LCA5: variants seen among roughly 807,000 people sequenced by gnomAD.
LCA5 encodes lebercilin.
Under a neutral mutation model 53.0 loss-of-function variants are expected in LCA5, and 37 were observed. The ratio of observed to expected loss-of-function variants is 0.70; its 90% CI spans 0.54 to 0.92. The LOEUF is 0.92. LCA5 is among the 40% of genes least tolerant of loss of function. LCA5 has a pLI of 0.00. For synonymous variants in LCA5, 303 were observed against 282.9 expected (o/e 1.07, Z -0.71); for missense variants, 806 against 790.5 (o/e 1.02, Z -0.23).
intron 3 of LCA5, among the ~76,000 whole-genome samples, chr6:79,507,611 T>A (rs1770304007): frequency 6.6e-6 from 1 of 152,162 alleles, no homozygotes; most frequent in African/African-American, 2.4e-5. Flanking sequence ...TTGAGAATGA[T>A]CCTGTACGGC....
chr6:79,498,513 G>A (rs9443677), intron 3 of LCA5, among the ~76,000 whole-genome samples: 2,815 of 152,106 alleles, frequency 0.019, 84 homozygotes, highest in African/African-American at 0.065. Context: ...AATCCAGCAA[G>A]ACCCAGTAAA....
At position 79,513,402 on chromosome 6, in the gene LCA5, T is replaced by C. The variant is rs749191441; in HGVS notation, c.530A>G (p.Lys177Arg). Residue 177 changes from lysine (K) to arginine (R), a missense_variant, in exon 3 of 8, where the codon AAA (lysine) becomes AGA (arginine). Coordinates refer to ENST00000369846, the MANE Select transcript of LCA5 (RefSeq NM_001122769.3). ...EITALKERLR[K>R]SQEKERATEK... ...AGTTGCCCGTTCTTTCTCTTGAGATTTTCTTAAGCGTTCTTTGAGTGCTGT... is the reference window on the plus strand; with the variant it reads ...AGTTGCCCGTTCTTTCTCTTGAGATCTTCTTAAGCGTTCTTTGAGTGCTGT... 1.2e-6 allele frequency: 2 copies of C among 1,614,012 alleles called. No homozygotes were observed. Among genetic ancestry groups the C allele is most frequent in the Admixed American group, 1.7e-5 (1 of 59,994 alleles).
chr6:79,520,622 G>T (rs1445146573), intron 1 of LCA5, among the ~76,000 whole-genome samples: 1 of 152,092 alleles, frequency 6.6e-6, no homozygotes, highest in Non-Finnish European at 1.5e-5. Flanking sequence ...CATATGAAAG[G>T]ACATGCACAA....
rs1436232619 is a variant in LCA5 at position 79,507,310 on chromosome 6, G to A, written c.720+5902C>T. ...TAAAAGATCTTATAACATATAATGAGCTGCTTATTACTAAGTGAATTAAGA... is the reference window on the plus strand; with the variant it reads ...TAAAAGATCTTATAACATATAATGAACTGCTTATTACTAAGTGAATTAAGA... On this transcript the variant is annotated intron_variant, in intron 3 of 7. Coordinates refer to ENST00000369846, the MANE Select transcript of LCA5 (RefSeq NM_001122769.3). Among the ~76,000 whole-genome samples the A allele has an allele frequency of 2.6e-5, 4 of 152,186 alleles. No homozygotes were observed. In the East Asian group the frequency reaches 7.7e-4, roughly 29 times the overall value.
chr6:79,487,421 C>T lies in LCA5; in HGVS notation c.1677G>A (p.Ser559=), dbSNP rs144098531. 1.4e-5 allele frequency: 23 copies of T among 1,612,674 alleles called. No individual in the cohort carries two copies. The highest frequency in any genetic ancestry group is 1.2e-4 in the South Asian group (11 of 90,894). ...NEFAFGSYVP[S]FAKTSERSNP... ...TTGACCTCTCTGATGTTTTTGCAAA[C>T]GAAGGCACGTAGCTACCAAATGCGA... Residue 559 remains serine (S), a synonymous_variant, in exon 8 of 8, where the codon TCG becomes TCA. Coordinates refer to ENST00000369846, the MANE Select transcript of LCA5 (RefSeq NM_001122769.3).
intron 3 of LCA5, among the ~76,000 whole-genome samples, chr6:79,495,578 C>T (rs971655874): frequency 2.0e-5 from 3 of 151,744 alleles, no homozygotes; most frequent in African/African-American, 4.8e-5. Flanking sequence ...AGTGAAATCC[C>T]GTCTCTACTA....
At chr6:79,515,904 C>T (rs1233665960) in intron 2 of LCA5, among the ~76,000 whole-genome samples, 1 of 151,974 alleles carries the variant, frequency 6.6e-6, no homozygotes, top group Non-Finnish European at 1.5e-5. Context: ...ATTATTGCAA[C>T]TTTGAAACTA....
intron 1 of LCA5, among the ~76,000 whole-genome samples, chr6:79,521,817 C>T (rs1003270216): frequency 2.0e-5 from 3 of 152,014 alleles, no homozygotes; most frequent in Non-Finnish European, 2.9e-5. Context: ...GGAGGAAACA[C>T]ACAAAATAAA....
intron 3 of LCA5, among the ~76,000 whole-genome samples, chr6:79,508,243 G>C (rs556626933): frequency 1.4e-4 from 21 of 152,234 alleles, no homozygotes; most frequent in African/African-American, 4.8e-4. Context: ...TTCTGAAGGA[G>C]GACAGACAAC....
rs192208237 is a variant in LCA5, at chr6:79,513,200, T to C, written c.720+12A>G. On this transcript the variant is annotated intron_variant, in intron 3 of 7. Transcript: ENST00000369846. The stretch of plus-strand genomic sequence containing the variant: ...CCCAAGAAAGTACAATTAGAAGCTG[T>C]AGAAATTGTACCTTAATTCTTCTCT... The C allele has an allele frequency of 1.1e-5, 17 of 1,610,382 alleles. No homozygotes were observed. Among genetic ancestry groups the C allele is most frequent in the Non-Finnish European group, 1.4e-5 (17 of 1,176,958 alleles).
At position 79,485,222 on chromosome 6, in the gene LCA5, A is replaced by AG. The variant is rs949149401; in HGVS notation, c.*1781dup. ...CATCTTGTTAAAGAGATTATCAGGT[A>AG]GAAAAAAAGCAAAAAACTAATTTAA... On this transcript the variant is annotated 3_prime_UTR_variant, in exon 8 of 8. Transcript: ENST00000369846. The AG allele has an allele frequency of 6.6e-6, 1 of 152,554 alleles. No homozygotes were observed. Among genetic ancestry groups the AG allele is most frequent in the African/African-American group, 2.4e-5 (1 of 41,448 alleles). The allele number at this position is 152,554 out of a possible 1,614,324, so 9.5% of individuals were successfully genotyped here.
intron 1 of LCA5, among the ~76,000 whole-genome samples, chr6:79,527,421 C>T (rs768502381): frequency 1.8e-4 from 27 of 152,196 alleles, no homozygotes; most frequent in Admixed American, 2.6e-4. Flanking sequence ...TGGTAATCAA[C>T]GTAACCAAGA....
chr6:79,496,220 A>T (rs771163217), intron 3 of LCA5, among the ~76,000 whole-genome samples: 2 of 152,266 alleles, frequency 1.3e-5, no homozygotes, highest in Non-Finnish European at 2.9e-5. Context: ...GAACTCTCAT[A>T]CACTTTTGTT....
rs1481559911 is a variant in LCA5 at position 79,492,550 on chromosome 6, C to T, written c.955+1G>A. On this transcript the variant is annotated splice_donor_variant, in intron 5 of 7. Transcript: ENST00000369846. LOFTEE classifies it high-confidence loss of function. ...TTTTTGAACAATCATATTTACCATA[C>T]CATTTTTTCTTAATGCAAGTTCTTT... The T allele has an allele frequency of 1.4e-6, 2 of 1,426,932 alleles. No homozygotes were observed. Among genetic ancestry groups the T allele is most frequent in the Non-Finnish European group, 9.8e-7 (1 of 1,020,294 alleles). 88.4% of individuals were successfully genotyped at this position (1,426,932 alleles called of 1,614,324 possible). A position where few individuals can be genotyped will look rare whatever the true frequency, so the allele number is the denominator to read the frequency against.
In LCA5 at chr6:79,513,699, C is replaced by A; in HGVS notation, c.233G>T (p.Gly78Val). 6.2e-7 allele frequency: 1 copy of A among 1,613,702 alleles called. No homozygotes were observed. The highest frequency in any genetic ancestry group is 8.5e-7 in the Non-Finnish European group (1 of 1,179,770). Residue 78 changes from glycine to valine, a missense_variant, in exon 3 of 8, where the codon GGA (glycine) becomes GTA (valine). Coordinates refer to ENST00000369846, the MANE Select transcript of LCA5 (RefSeq NM_001122769.3). The part of the protein sequence containing the change: ...PSPKGLPNRK[G>V]VRVGFRSQSL... Reference sequence around the variant, plus strand: ...CTGGGAGCGAAATCCCACTCGGACTCCCTTTCTGTTTGGTAGACCCTTAGG... The same window carrying A: ...CTGGGAGCGAAATCCCACTCGGACTACCTTTCTGTTTGGTAGACCCTTAGG...
chr6:79,510,065 A>C (rs2575197), intron 3 of LCA5, among the ~76,000 whole-genome samples: 1 of 151,966 alleles, frequency 6.6e-6, no homozygotes, highest in African/African-American at 2.4e-5. Flanking sequence ...TTAAAATGAG[A>C]TATAACATGA....
At chr6:79,489,572 G>A (rs1254792044) in intron 6 of LCA5, among the ~76,000 whole-genome samples, 10 of 151,970 alleles carry the variant, frequency 6.6e-5, no homozygotes, top group Admixed American at 1.3e-4. Context: ...ATGACTATTC[G>A]CCAACTATGT....
chr6:79,533,597 T>C (rs1367139042), intron 1 of LCA5, among the ~76,000 whole-genome samples: 1 of 136,872 alleles, frequency 7.3e-6, no homozygotes, highest in East Asian at 2.2e-4. Flanking sequence ...AAAAAAAAAG[T>C]AAAAAGTCCC....
intron 3 of LCA5, among the ~76,000 whole-genome samples, chr6:79,508,150 G>A (rs571112484): frequency 2.0e-5 from 3 of 152,296 alleles, no homozygotes; most frequent in East Asian, 3.9e-4. Flanking sequence ...AGCTCAGGAA[G>A]TTTAATCCCA....
Sources: gnomAD v4.1 joint callset for allele counts (sites outside exome capture counted in the v4.1 genomes callset) on GRCh38, gnomAD v4.1.1 for gene constraint, MANE v1.5 for transcripts, NCBI Gene and HGNC (gene_info 2026-07-23, HGNC 2026-07-21) for gene names.